Variants in PRKG1 observed in about 807,000 individuals in gnomAD.
PRKG1 encodes the protein cGMP-dependent protein kinase 1.
PRKG1 carries 35 observed loss-of-function variants against 88.1 expected under a neutral mutation model. That is an observed-to-expected ratio of 0.40 (90% CI 0.30 to 0.53). The LOEUF (loss-of-function observed/expected upper bound fraction) is 0.53, where lower values mean the gene tolerates loss of function less well. PRKG1 is among the 20% of genes least tolerant of loss of function. The probability of loss-of-function intolerance (pLI) is 0.59; values close to 1 mark genes in which losing one functional copy is unlikely to be tolerated. For synonymous variants in PRKG1, 303 were observed against 292.5 expected (o/e 1.04, Z -0.37); for missense variants, 540 against 839.8 (o/e 0.64, Z 4.41).
At chr10:51,634,529 C>A (rs1261796701) in intron 3 of PRKG1, among the ~76,000 whole-genome samples, 1 of 152,026 alleles carries the variant, frequency 6.6e-6, no homozygotes, top group African/African-American at 2.4e-5. Context: ...TTTGAGTTCC[C>A]TTAAAGTAAT....
chr10:51,970,737 TTA>T (rs1284267345), intron 5 of PRKG1, among the ~76,000 whole-genome samples: 6 of 124,438 alleles, frequency 4.8e-5, no homozygotes, highest in East Asian at 3.9e-4. Context: ...ATATATCAGA[TTA>T]TATATATATA....
chr10:51,065,893 G>T (rs1843744094), intron 1 of PRKG1, among the ~76,000 whole-genome samples: 1 of 152,080 alleles, frequency 6.6e-6, no homozygotes, highest in African/African-American at 2.4e-5. Flanking sequence ...ATATAATTAT[G>T]CATTGTGATA....
At chr10:52,275,800 C>T (rs764889357) in intron 12 of PRKG1, among the ~76,000 whole-genome samples, 1 of 152,026 alleles carries the variant, frequency 6.6e-6, no homozygotes, top group South Asian at 2.1e-4. Context: ...TGATTCTACC[C>T]ACACATGAGC....
At chr10:51,870,319 G>T (rs184106655) in intron 4 of PRKG1, among the ~76,000 whole-genome samples, 129 of 152,130 alleles carry the variant, frequency 8.5e-4, no homozygotes, top group African/African-American at 2.7e-3. Context: ...CTTTATAAAA[G>T]ACGTCTTGTT....
chr10:51,733,096 CT>C (rs745907336), intron 3 of PRKG1, among the ~76,000 whole-genome samples: 1 of 152,104 alleles, frequency 6.6e-6, no homozygotes, highest in Non-Finnish European at 1.5e-5. Context: ...ACCTCTTTCT[CT>C]TGTCTCTTCT....
intron 2 of PRKG1, among the ~76,000 whole-genome samples, chr10:51,161,456 T>G (rs1846359768): frequency 6.6e-6 from 1 of 152,214 alleles, no homozygotes; most frequent in African/African-American, 2.4e-5. Context: ...TCTACTAATG[T>G]ACAGTTCTCC....
At chr10:51,994,712 G>A (rs1457690706) in intron 5 of PRKG1, among the ~76,000 whole-genome samples, 2 of 152,194 alleles carry the variant, frequency 1.3e-5, no homozygotes, top group Non-Finnish European at 2.9e-5. Context: ...CAGGAGGATA[G>A]AGTGTGCTGT....
chr10:51,931,579 C>T (rs1341295074), intron 5 of PRKG1, among the ~76,000 whole-genome samples: 1 of 152,134 alleles, frequency 6.6e-6, no homozygotes, highest in Non-Finnish European at 1.5e-5. Flanking sequence ...CATAAGGTTC[C>T]CTTGTCTTTA....
At chr10:51,595,036 G>T (rs1351776695) in intron 3 of PRKG1, among the ~76,000 whole-genome samples, 1 of 152,078 alleles carries the variant, frequency 6.6e-6, no homozygotes, top group Non-Finnish European at 1.5e-5. Flanking sequence ...GAATCCTGTG[G>T]ATCCCATTGG....
At chr10:51,215,218 C>A (rs976245469) in intron 2 of PRKG1, among the ~76,000 whole-genome samples, 2 of 152,128 alleles carry the variant, frequency 1.3e-5, no homozygotes, top group Non-Finnish European at 1.5e-5. Context: ...ACATTTGCTG[C>A]TAATTAATGG....
intron 3 of PRKG1, among the ~76,000 whole-genome samples, chr10:51,629,474 G>A (rs1839469467): frequency 6.6e-6 from 1 of 151,492 alleles, no homozygotes; most frequent in Non-Finnish European, 1.5e-5. Flanking sequence ...ATGGGAGACA[G>A]CGACACCCAA....
chr10:52,081,765 G>A, intron 7 of PRKG1: 11 of 447,432 alleles, frequency 2.5e-5, no homozygotes, highest in South Asian at 1.6e-4. Flanking sequence ...GCAATTTTAA[G>A]TAGGGTGGTC....
intron 1 of PRKG1, among the ~76,000 whole-genome samples, chr10:51,033,479 C>T (rs1179079886): frequency 3.3e-5 from 5 of 152,142 alleles, no homozygotes; most frequent in Admixed American, 6.5e-5. Flanking sequence ...CTTTCCCACA[C>T]TGCTTTGTTT....
chr10:51,433,730 G>A (rs1838840594), intron 2 of PRKG1, among the ~76,000 whole-genome samples: 1 of 152,108 alleles, frequency 6.6e-6, no homozygotes, highest in Non-Finnish European at 1.5e-5. Context: ...TGACAATTGT[G>A]TGGGAGCTAT....
intron 7 of PRKG1, among the ~76,000 whole-genome samples, chr10:52,118,460 T>TTA (rs1847740089): frequency 6.6e-6 from 1 of 151,974 alleles, no homozygotes; most frequent in Non-Finnish European, 1.5e-5. Flanking sequence ...TGTTTATATT[T>TTA]TATATATATA....
At chr10:51,578,988 T>TTTTTTTTTTTTTTTTTG (rs1837960801) in intron 3 of PRKG1, among the ~76,000 whole-genome samples, 1 of 136,166 alleles carries the variant, frequency 7.3e-6, no homozygotes, top group Non-Finnish European at 1.6e-5. Flanking sequence ...TGGTTTTTTT[T>TTTTTTTTTTTTTTTTTG]TTTTTTTTTT....
chr10:51,877,304 C>A (rs1434976212), intron 4 of PRKG1, among the ~76,000 whole-genome samples: 4 of 152,060 alleles, frequency 2.6e-5, no homozygotes. Context: ...GTTTTATGAT[C>A]CAAGCTAGAT....
chr10:51,332,994 T>A (rs963142762), intron 2 of PRKG1, among the ~76,000 whole-genome samples: 2 of 152,194 alleles, frequency 1.3e-5, no homozygotes, highest in African/African-American at 4.8e-5. Context: ...ACAATTATTA[T>A]CTCATCTTGA....
chr10:52,267,275 C>A (rs1841598735), intron 10 of PRKG1, among the ~76,000 whole-genome samples: 1 of 152,056 alleles, frequency 6.6e-6, no homozygotes, highest in Admixed American at 6.6e-5. Flanking sequence ...TTGTGGCCAG[C>A]CCTGTAAGAA....
Sources: gnomAD v4.1 joint callset for allele counts (sites outside exome capture counted in the v4.1 genomes callset) on GRCh38, gnomAD v4.1.1 for gene constraint, MANE v1.5 for transcripts, NCBI Gene and HGNC (gene_info 2026-07-23, HGNC 2026-07-21) for gene names.